PPP1R9A: variants seen among roughly 807,000 people sequenced by gnomAD.
PPP1R9A encodes the protein protein phosphatase 1 regulatory subunit 9A, also known as neurabin-1.
A neutral mutation model predicts 141.9 loss-of-function variants in PPP1R9A; 59 were observed. That is an observed-to-expected ratio of 0.42 (90% CI 0.34 to 0.52). The LOEUF is 0.52. Ranked by LOEUF, PPP1R9A falls within the 20% of genes least tolerant of loss-of-function variation. PPP1R9A has a pLI of 0.10. For synonymous variants in PPP1R9A, 500 were observed against 569.7 expected (o/e 0.88, Z 1.74); for missense variants, 1,444 against 1,611.9 (o/e 0.90, Z 1.78).
chr7:95,146,865 T>G (rs1419674251), intron 4 of PPP1R9A, among the ~76,000 whole-genome samples: 4 of 152,208 alleles, frequency 2.6e-5, no homozygotes, highest in Non-Finnish European at 5.9e-5. Context: ...TATATCTGTT[T>G]TGGTACCAGT....
At chr7:95,079,890 C>T (rs557431324) in intron 2 of PPP1R9A, among the ~76,000 whole-genome samples, 25 of 152,070 alleles carry the variant, frequency 1.6e-4, no homozygotes, top group Non-Finnish European at 3.1e-4. Flanking sequence ...AATTCAACAA[C>T]GCTTCATGCT....
intron 12 of PPP1R9A, among the ~76,000 whole-genome samples, chr7:95,255,607 A>G (rs181152594): frequency 1.3e-5 from 2 of 152,276 alleles, no homozygotes; most frequent in East Asian, 3.9e-4. Context: ...TGCCGATTAT[A>G]CTGCAAGGTA....
At chr7:95,049,316 A>G (rs1440204505) in intron 2 of PPP1R9A, among the ~76,000 whole-genome samples, 2 of 152,124 alleles carry the variant, frequency 1.3e-5, no homozygotes, top group Admixed American at 6.5e-5. Context: ...CAGGGGATAA[A>G]CCACTAATTT....
chr7:95,110,411 T>C (rs542634946), intron 2 of PPP1R9A, among the ~76,000 whole-genome samples: 73 of 152,304 alleles, frequency 4.8e-4, no homozygotes, highest in African/African-American at 1.7e-3. Context: ...TGCATAATAA[T>C]TATTGAATTT....
At chr7:95,227,602 A>G (rs983945805) in intron 8 of PPP1R9A, among the ~76,000 whole-genome samples, 2 of 152,198 alleles carry the variant, frequency 1.3e-5, no homozygotes, top group Non-Finnish European at 1.5e-5. Context: ...GGCTGATAAC[A>G]TACTACAACA....
intron 2 of PPP1R9A, chr7:95,035,865 T>A (rs1055993207): frequency 1.3e-5 from 2 of 152,242 alleles, no homozygotes; most frequent in African/African-American, 4.8e-5. Context: ...CCATTTTTGC[T>A]TATTTGTTGA....
intron 2 of PPP1R9A, among the ~76,000 whole-genome samples, chr7:94,986,903 G>A (rs766548746): frequency 2.0e-5 from 3 of 152,182 alleles, no homozygotes; most frequent in Admixed American, 6.5e-5. Context: ...CTTTAATGTT[G>A]TAAAAGTATC....
intron 12 of PPP1R9A, among the ~76,000 whole-genome samples, chr7:95,254,721 G>A (rs1456371828): frequency 1.3e-5 from 2 of 152,130 alleles, no homozygotes; most frequent in South Asian, 2.1e-4. Context: ...GCAAGCTAAG[G>A]AGGAAGAAAG....
intron 2 of PPP1R9A, among the ~76,000 whole-genome samples, chr7:95,061,572 C>A (rs1469691814): frequency 6.6e-6 from 1 of 151,916 alleles, no homozygotes; most frequent in African/African-American, 2.4e-5. Flanking sequence ...TCCATCTCTA[C>A]AAAAAATACA....
At chr7:95,146,884 G>A (rs1302978187) in intron 4 of PPP1R9A, among the ~76,000 whole-genome samples, 3 of 152,176 alleles carry the variant, frequency 2.0e-5, no homozygotes, top group African/African-American at 4.8e-5. Context: ...GTATCTTGCT[G>A]TTTTGGTTAC....
chr7:95,113,209 A>C (rs1820876307), intron 3 of PPP1R9A, among the ~76,000 whole-genome samples: 1 of 152,184 alleles, frequency 6.6e-6, no homozygotes, highest in Admixed American at 6.6e-5. Context: ...CTAGAAGATG[A>C]CGTTTGAGAG....
intron 12 of PPP1R9A, among the ~76,000 whole-genome samples, chr7:95,264,640 T>C (rs1195261781): frequency 6.6e-6 from 1 of 152,210 alleles, no homozygotes. Flanking sequence ...GTGGAGTCTC[T>C]CTCACTCAAA....
At chr7:95,214,012 T>C (rs899996216) in intron 7 of PPP1R9A, among the ~76,000 whole-genome samples, 2 of 152,150 alleles carry the variant, frequency 1.3e-5, no homozygotes, top group Non-Finnish European at 2.9e-5. Flanking sequence ...GCAGTGCAAT[T>C]TAGTCTTGCT....
chr7:95,204,829 A>G (rs945150131), intron 7 of PPP1R9A, among the ~76,000 whole-genome samples: 2 of 139,742 alleles, frequency 1.4e-5, no homozygotes, highest in African/African-American at 2.7e-5. Flanking sequence ...CACACCACAC[A>G]TACCCTCACA....
intron 2 of PPP1R9A, among the ~76,000 whole-genome samples, chr7:95,086,710 T>TA (rs993197415): frequency 2.6e-5 from 4 of 152,020 alleles, no homozygotes; most frequent in African/African-American, 9.7e-5. Flanking sequence ...ACTTCACTGA[T>TA]AAAATATGTA....
At chr7:95,109,806 C>CA (rs1820221397) in intron 2 of PPP1R9A, among the ~76,000 whole-genome samples, 1 of 150,688 alleles carries the variant, frequency 6.6e-6, no homozygotes, top group Non-Finnish European at 1.5e-5. Flanking sequence ...TACTGCACTC[C>CA]AGCTTGGAGT....
intron 2 of PPP1R9A, among the ~76,000 whole-genome samples, chr7:94,957,730 A>T (rs1797215846): frequency 6.6e-6 from 1 of 152,084 alleles, no homozygotes; most frequent in African/African-American, 2.4e-5. Flanking sequence ...AGGAGTTAAA[A>T]ATTGGTGCCT....
At chr7:95,021,737 C>T (rs1805998065) in intron 2 of PPP1R9A, among the ~76,000 whole-genome samples, 1 of 152,070 alleles carries the variant, frequency 6.6e-6, no homozygotes, top group Admixed American at 6.6e-5. Context: ...ATCCTTTCCC[C>T]ATTGGTTGTT....
chr7:95,017,678 A>C (rs1399422141), intron 2 of PPP1R9A, among the ~76,000 whole-genome samples: 9 of 152,216 alleles, frequency 5.9e-5, no homozygotes, highest in Non-Finnish European at 1.2e-4. Context: ...AGAAGGTTGG[A>C]GGACTTATCC....
Sources: gnomAD v4.1 joint callset for allele counts (sites outside exome capture counted in the v4.1 genomes callset) on GRCh38, gnomAD v4.1.1 for gene constraint, MANE v1.5 for transcripts, NCBI Gene and HGNC (gene_info 2026-07-23, HGNC 2026-07-21) for gene names.